TRIO: variants seen among roughly 807,000 people sequenced by gnomAD.
TRIO encodes triple functional domain protein.
A neutral mutation model predicts 351.9 loss-of-function variants in TRIO; 58 were observed. The ratio of observed to expected loss-of-function variants is 0.16; its 90% CI spans 0.13 to 0.21. TRIO has a LOEUF of 0.21. Among genes scored for constraint, TRIO ranks in the 10% least tolerant of loss-of-function variants. TRIO has a pLI of 1.00. For missense variants in TRIO, 3,201 were observed against 4,027.8 expected, an observed-to-expected ratio of 0.79 and a Z score of 5.56; for synonymous variants, 1,758 against 1,595.7, an observed-to-expected ratio of 1.10 and a Z score of -2.42.
chr5:14,440,002 G>A (rs1056652240), intron 34 of TRIO, among the ~76,000 whole-genome samples: 1 of 152,046 alleles, frequency 6.6e-6, no homozygotes, highest in East Asian at 1.9e-4. Flanking sequence ...ATTTTATTAT[G>A]CAACAAATGT....
At chr5:14,265,083 CT>C (rs199891022) in intron 1 of TRIO, among the ~76,000 whole-genome samples, 21,014 of 137,596 alleles carry the variant, frequency 0.15, 1,791 homozygotes, top group East Asian at 0.38. Context: ...ATGTAGGATT[CT>C]TTTTTTTTTT....
intron 8 of TRIO, among the ~76,000 whole-genome samples, chr5:14,308,764 C>G (rs1738630156): frequency 1.1e-5 from 1 of 90,508 alleles, no homozygotes; most frequent in African/African-American, 5.5e-5. Flanking sequence ...CATCCAATTA[C>G]CCATCCATTC....
In TRIO at chr5:14,447,172, C is replaced by T. The variant is rs532056157; in HGVS notation, c.5204-13847C>T. Among the ~76,000 whole-genome samples, 4 of 152,272 alleles carry T rather than the reference C, an allele frequency of 2.6e-5. No homozygotes were observed. In the South Asian group the frequency reaches 8.3e-4, roughly 32 times the overall value. On this transcript the variant is annotated intron_variant, in intron 34 of 56. Transcript: ENST00000344204. ...ACTTGAACCCAGGAGGCGGAGGTCA[C>T]AGTGAGCCAAGATCAAGCCACTGCA...
intron 8 of TRIO, among the ~76,000 whole-genome samples, chr5:14,315,799 G>A (rs1044539646): frequency 1.3e-5 from 2 of 152,192 alleles, no homozygotes; most frequent in East Asian, 1.9e-4. Flanking sequence ...TTTCTAAATT[G>A]CACCCTCACC....
intron 1 of TRIO, among the ~76,000 whole-genome samples, chr5:14,182,083 CAA>C (rs1215076150): frequency 7.4e-6 from 1 of 134,446 alleles, no homozygotes; most frequent in Non-Finnish European, 1.6e-5. Flanking sequence ...TCTTCCTGTT[CAA>C]ATCTTTGAAG....
At chr5:14,262,877 C>T (rs1439678952) in intron 1 of TRIO, among the ~76,000 whole-genome samples, 1 of 152,082 alleles carries the variant, frequency 6.6e-6, no homozygotes, top group African/African-American at 2.4e-5. Flanking sequence ...CATGTGGGTG[C>T]CTCTTCTTCA....
At chr5:14,498,779 C>G in intron 53 of TRIO, 139 bp downstream of exon 53, 1 of 1,345,958 alleles carries the variant, frequency 7.4e-7, no homozygotes, top group Non-Finnish European at 1.0e-6. Context: ...CTTCAAAAGA[C>G]AGTTGTAAGT....
At chr5:14,191,209 T>A (rs999784298) in intron 1 of TRIO, among the ~76,000 whole-genome samples, 1 of 152,236 alleles carries the variant, frequency 6.6e-6, no homozygotes, top group African/African-American at 2.4e-5. Context: ...AAAAGACCAA[T>A]ATGACCTAGT....
At chr5:14,422,803 T>G (rs1187872205) in intron 34 of TRIO, among the ~76,000 whole-genome samples, 1 of 152,250 alleles carries the variant, frequency 6.6e-6, no homozygotes, top group Non-Finnish European at 1.5e-5. Flanking sequence ...GAAACAAGAC[T>G]CTGCTGTGAA....
At chr5:14,389,865 A>G (rs1000500835) in intron 25 of TRIO, among the ~76,000 whole-genome samples, 1 of 152,170 alleles carries the variant, frequency 6.6e-6, no homozygotes, top group African/African-American at 2.4e-5. Context: ...AATATTGTTA[A>G]AGCAGCGGCA....
intron 34 of TRIO, among the ~76,000 whole-genome samples, chr5:14,427,484 G>A (rs1350166060): frequency 2.6e-5 from 4 of 152,110 alleles, no homozygotes; most frequent in South Asian, 2.1e-4. Flanking sequence ...GGGATACGCC[G>A]GTGCTGTTTC....
Position 14,369,500 on chromosome 5 carries a change from G to C in TRIO, c.3193G>C (p.Glu1065Gln), listed in dbSNP as rs1286732042. Residue 1065 changes from glutamate to glutamine, a missense_variant, in exon 18 of 57, where the codon GAG becomes CAG. Coordinates refer to ENST00000344204, the MANE Select transcript of TRIO (RefSeq NM_007118.4). ...HVTPMISKHL[E>Q]QKEAFLKACT... Reference sequence around the variant, plus strand: ...GACGCCCATGATCAGCAAGCACCTGGAGCAGAAGGAGGCATTCCTGAAGGT... The same window carrying C: ...GACGCCCATGATCAGCAAGCACCTGCAGCAGAAGGAGGCATTCCTGAAGGT... 6.2e-7 allele frequency: 1 copy of C among 1,614,000 alleles called. No homozygotes were observed. Among genetic ancestry groups the C allele is most frequent in the Non-Finnish European group, 8.5e-7 (1 of 1,179,990 alleles).
intron 1 of TRIO, among the ~76,000 whole-genome samples, chr5:14,241,013 T>G (rs1025548958): frequency 6.6e-6 from 1 of 152,324 alleles, no homozygotes; most frequent in Non-Finnish European, 1.5e-5. Context: ...TGGTGAGGTT[T>G]TTTAGGGAAA....
chr5:14,388,344 C>A (rs528879936), intron 23 of TRIO, among the ~76,000 whole-genome samples: 1 of 152,240 alleles, frequency 6.6e-6, no homozygotes, highest in Non-Finnish European at 1.5e-5. Context: ...GAGGGCAGCC[C>A]CACAGCAGAG....
intron 24 of TRIO, 75 bp downstream of exon 24, chr5:14,388,754 G>C (rs1016454976): frequency 1.2e-5 from 18 of 1,459,550 alleles, no homozygotes; most frequent in Non-Finnish European, 1.6e-5. Flanking sequence ...ATTCTTACCT[G>C]TTGGTAGTCC....
At chr5:14,156,796 A>G (rs981181771) in intron 1 of TRIO, among the ~76,000 whole-genome samples, 1 of 152,214 alleles carries the variant, frequency 6.6e-6, no homozygotes, top group Non-Finnish European at 1.5e-5. Context: ...TCAGTTAGTC[A>G]TCCAAACAAA....
rs778247459 is a variant in TRIO, at chr5:14,419,937, G to A, written c.5119G>A (p.Ala1707Thr). ...GCGGACAACTGACCGCTCCCCAGCGGCAGAAGGCCTGGTCCCCTGTGGTTC... is the reference window on the plus strand; with the variant it reads ...GCGGACAACTGACCGCTCCCCAGCGACAGAAGGCCTGGTCCCCTGTGGTTC... ...LVRTTDRSPA[A>T]EGLVPCGSLC... The change falls in exon 34 of 57, where the codon GCA (alanine) becomes ACA (threonine). Residue 1707 changes from alanine (A) to threonine (T), a missense_variant. By Grantham distance (58) the Ala-to-Thr change is moderately conservative. Coordinates refer to ENST00000344204, the MANE Select transcript of TRIO (RefSeq NM_007118.4). 2 of 1,614,104 alleles carry A rather than the reference G, an allele frequency of 1.2e-6. No homozygotes were observed. The highest frequency in any genetic ancestry group is 2.7e-5 in the African/African-American group (2 of 74,956).
chr5:14,370,266 C>T (rs1744982833), intron 18 of TRIO, among the ~76,000 whole-genome samples: 1 of 152,112 alleles, frequency 6.6e-6, no homozygotes, highest in South Asian at 2.1e-4. Context: ...GCTGGGACTA[C>T]AGTGCTCTGT....
At chr5:14,381,275 A>T in intron 21 of TRIO, 23 bp downstream of exon 21, 1 of 1,578,172 alleles carries the variant, frequency 6.3e-7, no homozygotes, top group Non-Finnish European at 8.6e-7. Flanking sequence ...TGTACTTTGT[A>T]TAGTGGCCTC....
Sources: gnomAD v4.1 joint callset for allele counts (sites outside exome capture counted in the v4.1 genomes callset) on GRCh38, gnomAD v4.1.1 for gene constraint, MANE v1.5 for transcripts, NCBI Gene and HGNC (gene_info 2026-07-23, HGNC 2026-07-21) for gene names.